The following ODAD2 variants were observed in gnomAD, a reference collection of about 807,000 sequenced individuals.
The protein encoded by ODAD2 is outer dynein arm docking complex subunit 2.
ODAD2 carries 89 observed loss-of-function variants against 106.8 expected under a neutral mutation model. The observed-to-expected ratio is 0.83, with a 90% CI of 0.70 to 0.99. The LOEUF is 0.99. Among genes scored for constraint, ODAD2 ranks in the 50% least tolerant of loss-of-function variants. The pLI, the probability that ODAD2 is intolerant of heterozygous loss-of-function variation, is 0.00. For synonymous variants in ODAD2, 404 were observed against 436.2 expected (o/e 0.93, Z 0.92); for missense variants, 1,168 against 1,238.5 (o/e 0.94, Z 0.85).
At chr10:27,931,118 TAAAA>T (rs1025347244) in intron 16 of ODAD2, among the ~76,000 whole-genome samples, 1 of 150,696 alleles carries the variant, frequency 6.6e-6, no homozygotes, top group East Asian at 2.0e-4. Context: ...TCTGCTCTCT[TAAAA>T]AAAAAGAAAG....
At chr10:27,887,705 TAAAC>T in intron 17 of ODAD2, among the ~76,000 whole-genome samples, 1 of 151,992 alleles carries the variant, frequency 6.6e-6, no homozygotes, top group East Asian at 1.9e-4. Flanking sequence ...ATGTGGAAAT[TAAAC>T]AACACACTTG....
At chr10:27,885,563 AAT>A (rs1278959871) in intron 17 of ODAD2, among the ~76,000 whole-genome samples, 5,832 of 17,240 alleles carry the variant, frequency 0.34, 834 homozygotes, top group Non-Finnish European at 0.38. Flanking sequence ...TATAAATATA[AAT>A]ATATATATAT....
chr10:27,907,298 C>G (rs1843668380), intron 17 of ODAD2, among the ~76,000 whole-genome samples: 1 of 152,162 alleles, frequency 6.6e-6, no homozygotes. Flanking sequence ...TAGAAGCAGT[C>G]ATGTCTCCCC....
intron 1 of ODAD2, among the ~76,000 whole-genome samples, chr10:27,998,406 AG>A (rs1850681836): frequency 1.3e-5 from 2 of 152,050 alleles, no homozygotes. Flanking sequence ...GGGGACGAGG[AG>A]GGAAGGGACG....
intron 7 of ODAD2, among the ~76,000 whole-genome samples, chr10:27,977,199 A>C (rs1228269995): frequency 6.6e-6 from 1 of 152,158 alleles, no homozygotes; most frequent in Non-Finnish European, 1.5e-5. Flanking sequence ...AAACACTATA[A>C]GGAAAAAATA....
intron 16 of ODAD2, among the ~76,000 whole-genome samples, chr10:27,919,440 T>C (rs181901422): frequency 1.3e-5 from 2 of 152,138 alleles, no homozygotes; most frequent in Non-Finnish European, 2.9e-5. Flanking sequence ...TGCATATGTG[T>C]TCAAAATATG....
intron 10 of ODAD2, among the ~76,000 whole-genome samples, chr10:27,946,696 T>TAA (rs1436850310): frequency 2.6e-5 from 4 of 152,194 alleles, no homozygotes; most frequent in Admixed American, 2.6e-4. Flanking sequence ...GTCTTATATA[T>TAA]AATAGGGTTA....
intron 15 of ODAD2, 125 bp downstream of exon 15, chr10:27,936,601 C>A (rs1040719635): frequency 1.8e-6 from 2 of 1,132,688 alleles, no homozygotes; most frequent in African/African-American, 3.1e-5. Context: ...ATTGGGCTAA[C>A]TTCATCCAGA....
chr10:27,820,735 G>A (rs1836535296), intron 19 of ODAD2, among the ~76,000 whole-genome samples: 2 of 147,266 alleles, frequency 1.4e-5, no homozygotes, highest in South Asian at 2.1e-4. Flanking sequence ...ATGCTGGTTG[G>A]TTAAATTTTA....
At chr10:27,931,716 T>C (rs1409478492) in intron 16 of ODAD2, among the ~76,000 whole-genome samples, 1 of 149,698 alleles carries the variant, frequency 6.7e-6, no homozygotes, top group Non-Finnish European at 1.5e-5. Context: ...TTTCAAAAAG[T>C]AATGCAATGA....
chr10:27,982,482 CTAAT>C (rs781176912), intron 6 of ODAD2, among the ~76,000 whole-genome samples: 3 of 152,126 alleles, frequency 2.0e-5, no homozygotes, highest in Non-Finnish European at 2.9e-5. Flanking sequence ...CCCTTTATTC[CTAAT>C]TAGAGATTTC....
intron 8 of ODAD2, among the ~76,000 whole-genome samples, chr10:27,969,962 C>G (rs1848730068): frequency 6.6e-6 from 1 of 151,918 alleles, no homozygotes; most frequent in South Asian, 2.1e-4. Flanking sequence ...AAAAATTAGC[C>G]AGCCGTGGTG....
intron 19 of ODAD2, among the ~76,000 whole-genome samples, chr10:27,843,610 A>AC (rs1742169076): frequency 6.6e-6 from 1 of 152,152 alleles, no homozygotes; most frequent in African/African-American, 2.4e-5. Flanking sequence ...TACTAAAAAT[A>AC]GAAAAAAATT....
chr10:27,838,857 T>C (rs1356195585), intron 19 of ODAD2, among the ~76,000 whole-genome samples: 2 of 152,218 alleles, frequency 1.3e-5, no homozygotes, highest in African/African-American at 4.8e-5. Flanking sequence ...GGATCTTTTA[T>C]CAACAAAAAA....
At chr10:27,866,706 G>A (rs911158805) in intron 17 of ODAD2, among the ~76,000 whole-genome samples, 1 of 152,132 alleles carries the variant, frequency 6.6e-6, no homozygotes, top group Non-Finnish European at 1.5e-5. Context: ...AGCAAGAGAG[G>A]GGAGGGAGGT....
At chr10:27,872,232 C>T (rs960104526) in intron 17 of ODAD2, among the ~76,000 whole-genome samples, 1 of 152,050 alleles carries the variant, frequency 6.6e-6, no homozygotes, top group African/African-American at 2.4e-5. Context: ...GCTGAAGTTG[C>T]TTCTCAGCTT....
intron 19 of ODAD2, among the ~76,000 whole-genome samples, chr10:27,825,479 C>A (rs1056509774): frequency 6.6e-6 from 1 of 152,206 alleles, no homozygotes; most frequent in African/African-American, 2.4e-5. Context: ...AACTGACATG[C>A]CTAATACTGA....
Position 27,955,049 on chromosome 10 carries a change from GA to G in ODAD2, c.1386+6518del, listed in dbSNP as rs1463008983. Among the ~76,000 whole-genome samples the G allele has an allele frequency of 9.9e-5, 15 of 152,116 alleles. 1 individual carries two copies. Among genetic ancestry groups the G allele is most frequent in the Admixed American group, 9.8e-4 (15 of 15,260 alleles). On this transcript the variant is annotated intron_variant, in intron 10 of 19. Transcript: ENST00000305242. ...ATTCGTTTGTCACTGACTTTTTAAA[GA>G]AAGCTCAACCCACATCAATGTAGCA...
At chr10:27,974,410 T>A (rs2133026605) in intron 7 of ODAD2, among the ~76,000 whole-genome samples, 1 of 152,342 alleles carries the variant, frequency 6.6e-6, no homozygotes, top group Admixed American at 6.5e-5. Context: ...TTGTATATGG[T>A]ATAAGAAAGC....
Sources: gnomAD v4.1 joint callset for allele counts (sites outside exome capture counted in the v4.1 genomes callset) on GRCh38, gnomAD v4.1.1 for gene constraint, MANE v1.5 for transcripts, NCBI Gene and HGNC (gene_info 2026-07-23, HGNC 2026-07-21) for gene names.